RFC3: variants seen among roughly 807,000 people sequenced by gnomAD.
RFC3 encodes the protein A1 38 kDa subunit.
RFC3 carries 41 observed loss-of-function variants against 45.1 expected under a neutral mutation model. The observed-to-expected ratio is 0.91, with a 90% CI of 0.71 to 1.18. The LOEUF (loss-of-function observed/expected upper bound fraction) is 1.18. Ranked by LOEUF, RFC3 falls within the 50% of genes most tolerant of loss-of-function variation. The pLI is 0.00. For synonymous variants in RFC3, 149 were observed against 144.0 expected (o/e 1.03, Z -0.25); for missense variants, 423 against 428.1 (o/e 0.99, Z 0.10).
intron 8 of RFC3, among the ~76,000 whole-genome samples, chr13:33,932,090 A>T (rs2082856148): frequency 6.6e-6 from 1 of 152,146 alleles, no homozygotes; most frequent in South Asian, 2.1e-4. Context: ...AGATATCAGT[A>T]TGAATGAAAC....
chr13:33,924,989 G>A (rs1667758488), intron 8 of RFC3, among the ~76,000 whole-genome samples: 1 of 149,828 alleles, frequency 6.7e-6, no homozygotes, highest in South Asian at 2.1e-4. Context: ...TGATAAATGT[G>A]TTAACTAACT....
intron 8 of RFC3, among the ~76,000 whole-genome samples, chr13:33,937,009 G>A (rs781368684): frequency 1.3e-5 from 2 of 152,132 alleles, no homozygotes; most frequent in African/African-American, 2.4e-5. Context: ...ACTATGTGAT[G>A]ACTATGTTAA....
intron 8 of RFC3, chr13:33,850,796 T>C (rs2082271675): frequency 1.3e-5 from 2 of 152,174 alleles, no homozygotes; most frequent in Non-Finnish European, 2.9e-5. Flanking sequence ...GTTTTGTACA[T>C]GATAATTTTA....
At position 33,890,269 on chromosome 13, in the gene RFC3, A is replaced by T. The variant is rs147516514; in HGVS notation, c.879+55052A>T. 1.1e-4 allele frequency among the ~76,000 whole-genome samples: 16 copies of T among 152,258 alleles called. No individual in the cohort carries two copies. In the East Asian group the frequency reaches 2.9e-3, roughly 28 times the overall value. On this transcript the variant is annotated intron_variant, in intron 8 of 8. Coordinates refer to the RFC3 transcript ENST00000434425. ...ATGATGTTAATTTATGAGTTCAGTC[A>T]TTTGGCCAGAGCCTACACCAATTTT...
Position 33,830,017 on chromosome 13 carries a change from T to C in RFC3, c.573T>C (p.Asp191=). Residue 191 remains aspartate (D), a splice_region_variant and synonymous_variant, in exon 5 of 9, where the codon GAT becomes GAC. Coordinates refer to ENST00000380071, the MANE Select transcript of RFC3 (RefSeq NM_002915.4). ...AVRVPAPSIE[D]ICHVLSTVCK... ...GTGTGCCTGCTCCCAGCATTGAAGATGTAGGTCAAGTTACACTTTTCTGAA... is the reference window on the plus strand; with the variant it reads ...GTGTGCCTGCTCCCAGCATTGAAGACGTAGGTCAAGTTACACTTTTCTGAA... The C allele has an allele frequency of 6.2e-7, 1 of 1,612,936 alleles. No individual in the cohort carries two copies.
intron 8 of RFC3, among the ~76,000 whole-genome samples, chr13:33,880,508 A>C (rs9315262): frequency 0.88 from 134,324 of 152,162 alleles, 59,660 homozygotes; most frequent in Non-Finnish European, 0.94. Flanking sequence ...ATAACTGCAC[A>C]GTCCAATAAG....
intron 8 of RFC3, among the ~76,000 whole-genome samples, chr13:33,864,592 A>T (rs1326292490): frequency 6.6e-6 from 1 of 152,034 alleles, no homozygotes; most frequent in Non-Finnish European, 1.5e-5. Flanking sequence ...GTGTGACTGG[A>T]GGTCAGGGGT....
intron 8 of RFC3, among the ~76,000 whole-genome samples, chr13:33,872,070 T>G (rs1277371690): frequency 6.6e-6 from 1 of 152,234 alleles, no homozygotes; most frequent in Admixed American, 6.5e-5. Flanking sequence ...CTTTTATCTT[T>G]GTGGCAAGAG....
At chr13:33,955,301 T>C (rs970146461) in intron 8 of RFC3, among the ~76,000 whole-genome samples, 7 of 152,154 alleles carry the variant, frequency 4.6e-5, no homozygotes, top group Non-Finnish European at 1.0e-4. Flanking sequence ...ATGGAGGACT[T>C]GTAAAAAAAG....
chr13:33,902,907 G>A (rs1345638930), intron 8 of RFC3, among the ~76,000 whole-genome samples: 1 of 142,480 alleles, frequency 7.0e-6, no homozygotes, highest in Non-Finnish European at 1.5e-5. Flanking sequence ...AACGATAGCT[G>A]ATGAGCTAAA....
At chr13:33,901,479 T>A (rs2137670085) in intron 8 of RFC3, among the ~76,000 whole-genome samples, 1 of 152,032 alleles carries the variant, frequency 6.6e-6, no homozygotes, top group Admixed American at 6.6e-5. Flanking sequence ...ATATATCAGC[T>A]AAAAATGTGG....
intron 8 of RFC3, among the ~76,000 whole-genome samples, chr13:33,862,948 G>GTCAGAT (rs1043926671): frequency 2.6e-5 from 4 of 152,148 alleles, no homozygotes; most frequent in Non-Finnish European, 5.9e-5. Flanking sequence ...TCCCAATGCT[G>GTCAGAT]TCAGATTCTA....
chr13:33,830,852 A>T lies in RFC3; in HGVS notation c.707A>T (p.Gln236Leu). 6.2e-7 allele frequency: 1 copy of T among 1,611,404 alleles called. No individual in the cohort carries two copies. Among genetic ancestry groups the T allele is most frequent in the Non-Finnish European group, 8.5e-7 (1 of 1,179,230 alleles). Residue 236 changes from glutamine to leucine, a missense_variant, in exon 6 of 9, where the codon CAA becomes CTA. Gln to Leu is a moderately radical substitution (Grantham distance 113). Coordinates refer to ENST00000380071, the MANE Select transcript of RFC3 (RefSeq NM_002915.4). The stretch of plus-strand genomic sequence containing the variant: ...CTTATGTGTGAAGCCTGCAGAGTGC[A>T]ACAGTGAGTGGAAGGGGTAGTTACA... ...ALLMCEACRV[Q>L]QYPFTADQEI...
intron 8 of RFC3, among the ~76,000 whole-genome samples, chr13:33,897,380 G>T (rs1203459383): frequency 6.6e-6 from 1 of 150,956 alleles, no homozygotes; most frequent in Non-Finnish European, 1.5e-5. Context: ...AAATTTTTTT[G>T]ATAAGCCTCA....
At chr13:33,922,167 T>A (rs1224753760) in intron 8 of RFC3, among the ~76,000 whole-genome samples, 5 of 147,352 alleles carry the variant, frequency 3.4e-5, no homozygotes, top group East Asian at 2.0e-4. Flanking sequence ...TTTTTTTTTT[T>A]ACTGCTGTAT....
At chr13:33,964,453 G>C (rs142448144) in intron 8 of RFC3, among the ~76,000 whole-genome samples, 1 of 152,254 alleles carries the variant, frequency 6.6e-6, no homozygotes, top group East Asian at 1.9e-4. Context: ...AAATCATTCT[G>C]TTTTTGTCCA....
intron 8 of RFC3, among the ~76,000 whole-genome samples, chr13:33,944,221 G>C (rs1478680664): frequency 6.6e-6 from 1 of 152,148 alleles, no homozygotes; most frequent in Non-Finnish European, 1.5e-5. Flanking sequence ...TACTTTCTGT[G>C]ACAAGTGACA....
intron 8 of RFC3, among the ~76,000 whole-genome samples, chr13:33,901,322 A>G (rs111995708): frequency 0.11 from 16,988 of 152,080 alleles, 1,245 homozygotes; most frequent in Admixed American, 0.22. Flanking sequence ...GGATAAAAAA[A>G]TGTGGTATAT....
Position 33,835,233 on chromosome 13 carries a change from A to G in RFC3, c.879+16A>G. On this transcript the variant is annotated intron_variant, in intron 8 of 8. Transcript: ENST00000380071. The stretch of plus-strand genomic sequence containing the variant: ...AATAATGAAGGTAACCCAATTTCAG[A>G]TCTTGAACTTTTTACAGCTATAAAA... 4.4e-6 allele frequency: 7 copies of G among 1,573,448 alleles called. No homozygotes were observed. Among genetic ancestry groups the G allele is most frequent in the Non-Finnish European group, 6.1e-6 (7 of 1,143,236 alleles).
Sources: gnomAD v4.1 joint callset for allele counts (sites outside exome capture counted in the v4.1 genomes callset) on GRCh38, gnomAD v4.1.1 for gene constraint, MANE v1.5 for transcripts, NCBI Gene and HGNC (gene_info 2026-07-23, HGNC 2026-07-21) for gene names.